Variants in TBC1D22A observed in about 807,000 individuals in gnomAD.
TBC1D22A encodes the protein TBC1 domain family member 22A.
TBC1D22A carries 38 observed loss-of-function variants against 60.2 expected under a neutral mutation model. That is an observed-to-expected ratio of 0.63 (90% CI 0.49 to 0.83). TBC1D22A has a LOEUF of 0.83. TBC1D22A is among the 40% of genes least tolerant of loss of function. TBC1D22A has a pLI of 0.00. For missense variants in TBC1D22A, 628 were observed against 701.0 expected, an observed-to-expected ratio of 0.90 and a Z score of 1.18; for synonymous variants, 302 against 281.7, an observed-to-expected ratio of 1.07 and a Z score of -0.72.
intron 12 of TBC1D22A, among the ~76,000 whole-genome samples, chr22:47,130,200 T>A (rs1303582957): frequency 2.6e-5 from 4 of 152,012 alleles, no homozygotes; most frequent in Admixed American, 2.0e-4. Context: ...ACTCCCTCCC[T>A]CCCCACCAGA....
rs67975017 is a variant in TBC1D22A at position 46,904,229 on chromosome 22, T to TAA, written c.901-7837_901-7836dup. ...TCAATGCGGTTTTTTGAAAAAAGAA[T>TAA]AAAAAAAAAGGTACGATTATTTGAT... On this transcript the variant is annotated intron_variant, in intron 7 of 12. Transcript: ENST00000337137. Among the ~76,000 whole-genome samples the TAA allele has an allele frequency of 5.5e-5, 8 of 145,954 alleles. No individual in the cohort carries two copies. The South Asian group carries it at 8.7e-4, about 16-fold the overall frequency.
At chr22:47,129,677 G>A (rs1286326484) in intron 12 of TBC1D22A, among the ~76,000 whole-genome samples, 1 of 152,048 alleles carries the variant, frequency 6.6e-6, no homozygotes, top group African/African-American at 2.4e-5. Flanking sequence ...GCCTGGGGCT[G>A]TTCCCAAGTA....
At chr22:47,116,686 G>A (rs2147743077) in intron 12 of TBC1D22A, 1 of 152,492 alleles carries the variant, frequency 6.6e-6, no homozygotes, top group African/African-American at 2.4e-5. Flanking sequence ...GGACCAGCAG[G>A]TGCCAGCCCG....
intron 5 of TBC1D22A, among the ~76,000 whole-genome samples, chr22:46,887,554 A>G (rs2068181845): frequency 6.6e-6 from 1 of 152,246 alleles, no homozygotes; most frequent in South Asian, 2.1e-4. Context: ...TGGATTTCAT[A>G]CACAGCAGTG....
intron 4 of TBC1D22A, among the ~76,000 whole-genome samples, chr22:46,813,847 A>G (rs1421860709): frequency 6.6e-6 from 1 of 152,248 alleles, no homozygotes; most frequent in Non-Finnish European, 1.5e-5. Flanking sequence ...CAGGGGTTCC[A>G]TGAAGGCAGG....
intron 8 of TBC1D22A, among the ~76,000 whole-genome samples, chr22:46,954,103 AGT>A: frequency 6.6e-6 from 1 of 152,184 alleles, no homozygotes; most frequent in Non-Finnish European, 1.5e-5. Flanking sequence ...CTGTTACCAC[AGT>A]AGCAAGTCCA....
chr22:46,995,537 G>T (rs2075093286), intron 9 of TBC1D22A, among the ~76,000 whole-genome samples: 2 of 152,140 alleles, frequency 1.3e-5, no homozygotes, highest in Admixed American at 1.3e-4. Flanking sequence ...GTGTGTGAGA[G>T]AGAAACGTAG....
At chr22:47,150,762 A>C (rs983819987) in intron 12 of TBC1D22A, among the ~76,000 whole-genome samples, 13 of 152,092 alleles carry the variant, frequency 8.5e-5, no homozygotes, top group African/African-American at 3.1e-4. Flanking sequence ...TGGGTCACCA[A>C]GTGCCCCACT....
At chr22:47,171,220 T>G (rs2068435587) in intron 12 of TBC1D22A, among the ~76,000 whole-genome samples, 1 of 151,994 alleles carries the variant, frequency 6.6e-6, no homozygotes, top group Admixed American at 6.6e-5. Context: ...TACCCCCCAT[T>G]CCCCTCCATG....
intron 4 of TBC1D22A, among the ~76,000 whole-genome samples, chr22:46,821,463 G>T (rs1213526708): frequency 6.6e-6 from 1 of 152,086 alleles, no homozygotes. Flanking sequence ...AAATCCCTCA[G>T]CATTTGCTTG....
At chr22:47,023,741 G>A (rs1281855877) in intron 10 of TBC1D22A, among the ~76,000 whole-genome samples, 2 of 152,186 alleles carry the variant, frequency 1.3e-5, no homozygotes, top group African/African-American at 2.4e-5. Context: ...ACCAGCAAAA[G>A]TATCTTTCAG....
intron 12 of TBC1D22A, among the ~76,000 whole-genome samples, chr22:47,167,007 C>T (rs1380171827): frequency 1.3e-5 from 2 of 152,222 alleles, no homozygotes; most frequent in East Asian, 3.8e-4. Context: ...TCAGAGCAGA[C>T]CCTATACTTC....
At chr22:47,061,120 CGTCCTGG>C (rs2063560158) in intron 11 of TBC1D22A, among the ~76,000 whole-genome samples, 1 of 145,788 alleles carries the variant, frequency 6.9e-6, no homozygotes, top group African/African-American at 2.7e-5. Flanking sequence ...CCCTCACCAC[CGTCCTGG>C]AAAGGTTGAG....
chr22:47,040,064 C>A (rs1295239917), intron 11 of TBC1D22A, among the ~76,000 whole-genome samples: 1 of 150,968 alleles, frequency 6.6e-6, no homozygotes, highest in East Asian at 1.9e-4. Flanking sequence ...CCTGCCTCAG[C>A]CTCTTGAGTA....
At chr22:47,126,982 A>G (rs2066480211) in intron 12 of TBC1D22A, among the ~76,000 whole-genome samples, 2 of 152,224 alleles carry the variant, frequency 1.3e-5, no homozygotes, top group Non-Finnish European at 2.9e-5. Context: ...TTTCACACGC[A>G]TAGGCACGGG....
At chr22:46,838,724 G>A (rs1169939174) in intron 4 of TBC1D22A, among the ~76,000 whole-genome samples, 2 of 152,098 alleles carry the variant, frequency 1.3e-5, no homozygotes, top group African/African-American at 4.8e-5. Flanking sequence ...GATTAATTGG[G>A]ATTTATCGCT....
chr22:47,150,295 G>C (rs2067453077), intron 12 of TBC1D22A, among the ~76,000 whole-genome samples: 1 of 152,120 alleles, frequency 6.6e-6, no homozygotes, highest in Non-Finnish European at 1.5e-5. Flanking sequence ...CTGGGGAGTG[G>C]GCGGCCCTCC....
intron 11 of TBC1D22A, among the ~76,000 whole-genome samples, chr22:47,109,749 C>G (rs2065777624): frequency 6.6e-6 from 1 of 152,152 alleles, no homozygotes; most frequent in South Asian, 2.1e-4. Flanking sequence ...TGGTTCCTTT[C>G]TCTCCTACCC....
intron 12 of TBC1D22A, among the ~76,000 whole-genome samples, chr22:47,151,266 T>C (rs1699191757): frequency 6.6e-6 from 1 of 152,154 alleles, no homozygotes; most frequent in Admixed American, 6.5e-5. Flanking sequence ...ACCCGTGTAC[T>C]CTCCACCTTC....
Sources: allele counts gnomAD v4.1 joint callset (sites outside exome capture counted in the v4.1 genomes callset), GRCh38; gene constraint gnomAD v4.1.1; transcripts MANE v1.5; gene names NCBI Gene and HGNC (gene_info 2026-07-23, HGNC 2026-07-21).